ACADM: variants seen among roughly 807,000 people sequenced by gnomAD.
The protein encoded by ACADM is medium-chain specific acyl-CoA dehydrogenase, mitochondrial.
In ACADM, 49 loss-of-function variants were observed where a neutral mutation model predicts 58.9. That is an observed-to-expected ratio of 0.83 (90% confidence interval 0.66 to 1.06). The LOEUF is 1.06. ACADM is among the 50% of genes least tolerant of loss of function. The pLI, the probability that ACADM is intolerant of heterozygous loss-of-function variation, is 0.00. For missense variants in ACADM, 496 were observed against 507.0 expected, an observed-to-expected ratio of 0.98 and a Z score of 0.21; for synonymous variants, 160 against 157.7, an observed-to-expected ratio of 1.01 and a Z score of -0.11.
chr1:75,738,970 G>C (rs1647420254), intron 6 of ACADM, among the ~76,000 whole-genome samples: 1 of 152,164 alleles, frequency 6.6e-6, no homozygotes, highest in South Asian at 2.1e-4. Context: ...TGATATAAAA[G>C]ATTCTCGTCG....
At chr1:75,754,631 T>C (rs978005357) in intron 10 of ACADM, among the ~76,000 whole-genome samples, 1 of 152,260 alleles carries the variant, frequency 6.6e-6, no homozygotes, top group Non-Finnish European at 1.5e-5. Flanking sequence ...AAATATACAA[T>C]GATCTGCCCA....
At chr1:75,744,223 T>TGGC in intron 7 of ACADM, 1 of 1,579,200 alleles carries the variant, frequency 6.3e-7, no homozygotes, top group Non-Finnish European at 8.7e-7. Context: ...AGGGCACTGG[T>TGGC]GGCATCGAGT....
chr1:75,732,300 TG>T lies in ACADM; in HGVS notation c.119-343del, dbSNP rs201472136. Among the ~76,000 whole-genome samples, 368 of 152,350 alleles carry T rather than the reference TG, an allele frequency of 2.4e-3. 8 individuals are homozygous for T. The East Asian group carries it at 0.054, about 22-fold the overall frequency. ...GTCTTGTATATTAGTTTCACTTCAGTGTTAGCAAACATTTGATAAATTGGCT... is the reference window on the plus strand; with the variant it reads ...GTCTTGTATATTAGTTTCACTTCAGTTTAGCAAACATTTGATAAATTGGCT... On this transcript the variant is annotated intron_variant, in intron 2 of 11. Transcript: ENST00000370841.
intron 10 of ACADM, among the ~76,000 whole-genome samples, chr1:75,759,931 G>C (rs1310001393): frequency 1.3e-5 from 2 of 151,640 alleles, no homozygotes; most frequent in African/African-American, 2.4e-5. Context: ...AAAGTGCTGG[G>C]ATTACAGGTG....
intron 7 of ACADM, among the ~76,000 whole-genome samples, chr1:75,741,299 T>C (rs1195618494): frequency 6.6e-6 from 1 of 152,216 alleles, no homozygotes; most frequent in African/African-American, 2.4e-5. Flanking sequence ...ATTAAACATA[T>C]CAGTCAATTC....
rs748967113 is a variant in ACADM, at chr1:75,740,043, A to C, written c.532A>C (p.Lys178Gln). ...AGCTGGTATAAAGACCAAAGCAGAA[A>C]AGAAAGGAGATGAGTATATTATTAA... ...DVAGIKTKAE[K>Q]KGDEYIINGQ... The change falls in exon 7 of 12, where the codon AAG (lysine) becomes CAG (glutamine). Residue 178 changes from lysine to glutamine, a missense_variant. Physicochemically the swap from Lys to Gln is moderately conservative, Grantham distance 53. Transcript: ENST00000370841. 1.6e-5 allele frequency: 25 copies of C among 1,612,854 alleles called. No homozygotes were observed. Among genetic ancestry groups the C allele is most frequent in the Non-Finnish European group, 2.0e-5 (23 of 1,179,122 alleles).
In ACADM at chr1:75,745,585, G is replaced by A. The variant is rs561361060; in HGVS notation, c.600-221G>A. On this transcript the variant is annotated intron_variant, in intron 7 of 11. Coordinates refer to ENST00000370841, the MANE Select transcript of ACADM (RefSeq NM_000016.6). ...CACAGAAAGTGAAACCCCATGGAAT[G>A]GGGGAGGGCCTACTGTGTTATTAAG... 101 of 549,842 alleles carry A rather than the reference G, an allele frequency of 1.8e-4. No individual in the cohort carries two copies. In the South Asian group the frequency reaches 1.9e-3, roughly 10 times the overall value. 34.1% of individuals were successfully genotyped at this position (549,842 alleles called of 1,614,324 possible). A position where few individuals can be genotyped will look rare whatever the true frequency, so the allele number is the denominator to read the frequency against.
intron 8 of ACADM, among the ~76,000 whole-genome samples, chr1:75,747,376 A>T (rs1471084003): frequency 6.6e-6 from 1 of 152,184 alleles, no homozygotes; most frequent in Admixed American, 6.5e-5. Context: ...ATAGACAAAA[A>T]TCCCTGGCCT....
intron 11 of ACADM, 90 bp from the exon 12 acceptor site, chr1:75,762,602 A>G (rs1405153974): frequency 2.4e-6 from 2 of 843,592 alleles, no homozygotes; most frequent in Non-Finnish European, 4.0e-6. Flanking sequence ...TTATATTACA[A>G]CACAGCTTAT....
chr1:75,733,725 G>C, intron 5 of ACADM, 97 bp downstream of exon 5: 2 of 1,003,066 alleles, frequency 2.0e-6, no homozygotes, highest in Non-Finnish European at 3.2e-6. Context: ...AAAAAGGAAA[G>C]TCAGTTACTA....
intron 1 of ACADM, 71 bp from the exon 2 acceptor site, chr1:75,728,330 A>AT: frequency 7.8e-7 from 1 of 1,281,756 alleles, no homozygotes. Flanking sequence ...CTCACTTATG[A>AT]TTATCAGTAG....
Position 75,745,606 on chromosome 1 carries a change from T to A in ACADM, c.600-200T>A, listed in dbSNP as rs1407022727. 5.1e-6 allele frequency: 3 copies of A among 593,914 alleles called. No individual in the cohort carries two copies. The African/African-American group carries it at 5.6e-5, about 11-fold the overall frequency. The allele number at this position is 593,914 out of a possible 1,614,324, so 36.8% of individuals were successfully genotyped here. On this transcript the variant is annotated intron_variant, in intron 7 of 11. Coordinates refer to ENST00000370841, the MANE Select transcript of ACADM (RefSeq NM_000016.6). ...GAATGGGGGAGGGCCTACTGTGTTA[T>A]TAAGACATAGACCTCAAATACTAGC... is the stretch of plus-strand genomic sequence containing the variant.
Position 75,724,807 on chromosome 1 carries a change from G to A in ACADM, c.20G>A (p.Arg7Gln). 1 of 1,516,998 alleles carries A rather than the reference G, an allele frequency of 6.6e-7. No individual in the cohort carries two copies. The highest frequency in any genetic ancestry group is 8.9e-7 in the Non-Finnish European group (1 of 1,129,606). 94.0% of individuals were successfully genotyped at this position (1,516,998 alleles called of 1,614,324 possible). The stretch of plus-strand genomic sequence containing the variant: ...GCCAACATGGCAGCGGGGTTCGGGC[G>A]ATGCTGCAGGGTGAGAGGGAGCCCA... MAAGFG[R>Q]CCRVLRSISR... The change falls in exon 1 of 12, where the codon CGA (arginine) becomes CAA (glutamine). Residue 7 changes from arginine to glutamine, a missense_variant. Physicochemically the swap from Arg to Gln is conservative, Grantham distance 43. Coordinates refer to ENST00000370841, the MANE Select transcript of ACADM (RefSeq NM_000016.6).
intron 6 of ACADM, among the ~76,000 whole-genome samples, chr1:75,737,947 C>T (rs967508179): frequency 3.9e-5 from 6 of 152,284 alleles, no homozygotes; most frequent in South Asian, 4.1e-4. Context: ...GACGGAGTCT[C>T]GCTCTGTTGC....
chr1:75,736,802 C>T (rs1647281395), intron 6 of ACADM, among the ~76,000 whole-genome samples: 1 of 152,174 alleles, frequency 6.6e-6, no homozygotes, highest in African/African-American at 2.4e-5. Flanking sequence ...ACAAAAATAT[C>T]TGTAATCCCT....
In ACADM at chr1:75,749,414, A is replaced by G. The variant is rs778192900; in HGVS notation, c.709-5A>G. On this transcript the variant is annotated splice_polypyrimidine_tract_variant and splice_region_variant and intron_variant, in intron 8 of 11. Transcript: ENST00000370841. Reference sequence around the variant, plus strand: ...TTCCTTAAAATATATCAATTTTCTTATTAGGAATTAAACATGGGCCAGCGA... The same window carrying G: ...TTCCTTAAAATATATCAATTTTCTTGTTAGGAATTAAACATGGGCCAGCGA... 6.2e-7 allele frequency: 1 copy of G among 1,613,474 alleles called. No homozygotes were observed. Among genetic ancestry groups the G allele is most frequent in the Non-Finnish European group, 8.5e-7 (1 of 1,179,664 alleles).
At chr1:75,724,854 A>G (rs1557438034) in intron 1 of ACADM, 37 bp downstream of exon 1, 6 of 1,446,560 alleles carry the variant, frequency 4.1e-6, no homozygotes, top group Non-Finnish European at 5.5e-6. Flanking sequence ...GGGCTGGAAC[A>G]TGGGTATTGT....
chr1:75,739,911 C>G, intron 6 of ACADM, 69 bp from the exon 7 acceptor site: 1 of 1,135,962 alleles, frequency 8.8e-7, no homozygotes, highest in Non-Finnish European at 1.2e-6. Context: ...TAAAACAATC[C>G]TGTTTCCAAA....
At chr1:75,755,498 G>C (rs1263394692) in intron 10 of ACADM, among the ~76,000 whole-genome samples, 1 of 152,182 alleles carries the variant, frequency 6.6e-6, no homozygotes, top group Admixed American at 6.5e-5. Flanking sequence ...AGGCAAAGAG[G>C]GTCTGGAGTG....
Sources: allele counts gnomAD v4.1 joint callset (sites outside exome capture counted in the v4.1 genomes callset), GRCh38; gene constraint gnomAD v4.1.1; transcripts MANE v1.5; gene names NCBI Gene and HGNC (gene_info 2026-07-23, HGNC 2026-07-21).